The following ZNF385B variants were observed in gnomAD, a reference collection of about 807,000 sequenced individuals.
ZNF385B encodes zinc finger protein 533.
ZNF385B carries 23 observed loss-of-function variants against 39.2 expected under a neutral mutation model. The ratio of observed to expected loss-of-function variants is 0.59; its 90% CI spans 0.42 to 0.83. The LOEUF is 0.83. Ranked by LOEUF, ZNF385B falls within the 40% of genes least tolerant of loss-of-function variation. The probability of loss-of-function intolerance (pLI) is 0.00; values close to 1 mark genes in which losing one functional copy is unlikely to be tolerated. For synonymous variants in ZNF385B, 205 were observed against 222.6 expected, an observed-to-expected ratio of 0.92 and a Z score of 0.70; for missense variants, 552 against 598.9, an observed-to-expected ratio of 0.92 and a Z score of 0.82.
At chr2:179,621,682 G>T (rs1335052254) in intron 3 of ZNF385B, among the ~76,000 whole-genome samples, 3 of 152,134 alleles carry the variant, frequency 2.0e-5, no homozygotes, top group African/African-American at 7.2e-5. Context: ...AGGTGAGAGG[G>T]CACATAAGAA....
chr2:179,758,791 G>C (rs919543264), intron 3 of ZNF385B, among the ~76,000 whole-genome samples: 34 of 152,116 alleles, frequency 2.2e-4, no homozygotes, highest in African/African-American at 8.2e-4. Flanking sequence ...AACCATCTAA[G>C]ACAGTTACTC....
chr2:179,558,820 C>T (rs1559476075), intron 3 of ZNF385B, among the ~76,000 whole-genome samples: 1 of 152,134 alleles, frequency 6.6e-6, no homozygotes, highest in Non-Finnish European at 1.5e-5. Flanking sequence ...CACCCAGGAG[C>T]GGCAGAGATG....
At chr2:179,491,935 G>A (rs965484767) in intron 5 of ZNF385B, among the ~76,000 whole-genome samples, 8 of 152,076 alleles carry the variant, frequency 5.3e-5, no homozygotes, top group African/African-American at 1.4e-4. Flanking sequence ...TCCTGGTCTC[G>A]AGTGATCCTA....
chr2:179,597,687 G>A (rs1688107308), intron 3 of ZNF385B, among the ~76,000 whole-genome samples: 1 of 151,950 alleles, frequency 6.6e-6, no homozygotes, highest in Admixed American at 6.6e-5. Context: ...ATCTTATTTT[G>A]CATTTTAATG....
At chr2:179,740,991 A>G (rs1702056177) in intron 3 of ZNF385B, among the ~76,000 whole-genome samples, 1 of 152,182 alleles carries the variant, frequency 6.6e-6, no homozygotes, top group South Asian at 2.1e-4. Flanking sequence ...GAACTAGATT[A>G]TTTGGTGGGA....
rs1210524130 is a variant in ZNF385B at position 179,698,190 on chromosome 2, A to AT, written c.298+71312_298+71313insA. On this transcript the variant is annotated intron_variant, in intron 3 of 9. Coordinates refer to ENST00000410066, the MANE Select transcript of ZNF385B (RefSeq NM_152520.6). ...GAACTTAAAGTATAATTAAAAAAAA[A>AT]AAGAACATGCTAACCAGATAACCAT... Among the ~76,000 whole-genome samples, 5 of 151,934 alleles carry AT rather than the reference A, an allele frequency of 3.3e-5. No individual in the cohort carries two copies. The East Asian group carries it at 9.7e-4, about 29-fold the overall frequency.
chr2:179,692,879 T>A (rs188129475), intron 3 of ZNF385B, among the ~76,000 whole-genome samples: 13 of 152,276 alleles, frequency 8.5e-5, no homozygotes, highest in Non-Finnish European at 1.9e-4. Context: ...TGCCTCCTCC[T>A]GCAGCAGGCC....
At chr2:179,742,893 A>T (rs1702163262) in intron 3 of ZNF385B, among the ~76,000 whole-genome samples, 1 of 152,048 alleles carries the variant, frequency 6.6e-6, no homozygotes, top group Non-Finnish European at 1.5e-5. Context: ...TTAATACAAA[A>T]GTGAAAAGAT....
chr2:179,495,488 A>G (rs574421788), intron 5 of ZNF385B, among the ~76,000 whole-genome samples: 19 of 152,306 alleles, frequency 1.2e-4, no homozygotes, highest in African/African-American at 4.6e-4. Flanking sequence ...CTTATTGTAA[A>G]GTCCCCAGGG....
intron 3 of ZNF385B, among the ~76,000 whole-genome samples, chr2:179,606,842 T>C (rs576339378): frequency 1.1e-4 from 17 of 152,170 alleles, no homozygotes; most frequent in Non-Finnish European, 2.4e-4. Context: ...TTTGTAATTT[T>C]CATAGATTAC....
At position 179,569,033 on chromosome 2, in the gene ZNF385B, T is replaced by C. The variant is rs569717895; in HGVS notation, c.299-24064A>G. ...GCACCAACACTGTTCTATACACTTATGTATATTAATTCACCCAATTTTCAA... is the reference window on the plus strand; with the variant it reads ...GCACCAACACTGTTCTATACACTTACGTATATTAATTCACCCAATTTTCAA... On this transcript the variant is annotated intron_variant, in intron 3 of 9. Transcript: ENST00000410066. Among the ~76,000 whole-genome samples, 15 of 152,340 alleles carry C rather than the reference T, an allele frequency of 9.8e-5. No individual in the cohort carries two copies. In the East Asian group the frequency reaches 2.7e-3, roughly 27 times the overall value.
intron 3 of ZNF385B, among the ~76,000 whole-genome samples, chr2:179,697,546 C>A (rs1575265256): frequency 6.6e-6 from 1 of 152,136 alleles, no homozygotes; most frequent in East Asian, 1.9e-4. Flanking sequence ...ATTACACAGT[C>A]TCGGGCAGTT....
At chr2:179,848,740 G>T (rs886191963) in intron 1 of ZNF385B, among the ~76,000 whole-genome samples, 2 of 152,182 alleles carry the variant, frequency 1.3e-5, no homozygotes, top group African/African-American at 4.8e-5. Flanking sequence ...TGTACATGTA[G>T]GAGCAGAATG....
At chr2:179,497,999 G>A (rs958800855) in intron 5 of ZNF385B, among the ~76,000 whole-genome samples, 3 of 152,026 alleles carry the variant, frequency 2.0e-5, no homozygotes, top group Admixed American at 1.3e-4. Flanking sequence ...AGGGGTCAAT[G>A]CAGCAAAATA....
chr2:179,651,583 A>G (rs1693197387), intron 3 of ZNF385B, among the ~76,000 whole-genome samples: 1 of 151,788 alleles, frequency 6.6e-6, no homozygotes, highest in South Asian at 2.1e-4. Flanking sequence ...TAGACTGTAC[A>G]TTCTACAGTA....
At chr2:179,636,990 T>C (rs1159957186) in intron 3 of ZNF385B, among the ~76,000 whole-genome samples, 1 of 152,226 alleles carries the variant, frequency 6.6e-6, no homozygotes, top group Non-Finnish European at 1.5e-5. Flanking sequence ...TAGCCACTCT[T>C]GGCTGAAACC....
chr2:179,528,134 A>T (rs549750127), intron 4 of ZNF385B, among the ~76,000 whole-genome samples: 7 of 152,282 alleles, frequency 4.6e-5, no homozygotes, highest in African/African-American at 1.7e-4. Flanking sequence ...CAGAATCCAG[A>T]CTCATACAAG....
intron 3 of ZNF385B, among the ~76,000 whole-genome samples, chr2:179,548,760 A>G (rs1304206154): frequency 6.7e-6 from 1 of 149,140 alleles, no homozygotes; most frequent in East Asian, 1.9e-4. Context: ...CACTATCACA[A>G]GAACAGCACG....
chr2:179,749,524 T>C (rs1239387327), intron 3 of ZNF385B, among the ~76,000 whole-genome samples: 2 of 152,106 alleles, frequency 1.3e-5, no homozygotes, highest in African/African-American at 2.4e-5. Flanking sequence ...CAGAACACTG[T>C]CCAACAGCCT....
Sources: gnomAD v4.1 joint callset for allele counts (sites outside exome capture counted in the v4.1 genomes callset) on GRCh38, gnomAD v4.1.1 for gene constraint, MANE v1.5 for transcripts, NCBI Gene and HGNC (gene_info 2026-07-23, HGNC 2026-07-21) for gene names.